OPHN1: variants seen among roughly 807,000 people sequenced by gnomAD.
OPHN1 encodes the protein oligophrenin 1.
In OPHN1, 11 loss-of-function variants were observed where a neutral mutation model predicts 60.7. The observed-to-expected ratio is 0.18, with a 90% confidence interval of 0.11 to 0.30. OPHN1 has a LOEUF of 0.30. OPHN1 is among the 10% of genes least tolerant of loss of function. The pLI, the probability that OPHN1 is intolerant of heterozygous loss-of-function variation, is 1.00. For synonymous variants in OPHN1, 226 were observed against 222.6 expected (o/e 1.02, Z -0.14); for missense variants, 449 against 611.0 (o/e 0.73, Z 2.80).
rs767352633 is a variant in OPHN1, at chrX:68,042,462, T to A, written c.*4710A>T. 6.3e-5 allele frequency: 7 copies of A among 111,730 alleles called. No individual in the cohort carries two copies. Among genetic ancestry groups the A allele is most frequent in the Non-Finnish European group, 1.1e-4 (6 of 53,153 alleles). 9.2% of individuals were successfully genotyped at this position (111,730 alleles called of 1,213,427 possible). A position where few individuals can be genotyped will look rare whatever the true frequency, so the allele number is the denominator to read the frequency against. ...CACACAGGCAATCTTTCTAGCCCTC[T>A]ACTAATGTCCTTGGCATCAAGTGCT... On this transcript the variant is annotated 3_prime_UTR_variant, in exon 25 of 25. Coordinates refer to ENST00000355520, the MANE Select transcript of OPHN1 (RefSeq NM_002547.3).
intron 21 of OPHN1, among the ~76,000 whole-genome samples, chrX:68,060,291 A>T (rs776849117): frequency 6.3e-5 from 7 of 111,507 alleles, no homozygotes; most frequent in Admixed American, 1.9e-4. Context: ...TGGTATAAAG[A>T]AAAAGAGTCC....
chrX:68,068,548 C>G (rs2076922069), intron 20 of OPHN1, among the ~76,000 whole-genome samples: 1 of 106,358 alleles, frequency 9.4e-6, no homozygotes. Context: ...TTAATATAGA[C>G]CGACCATATA....
At chrX:68,179,377 T>C (rs1367277703) in intron 15 of OPHN1, among the ~76,000 whole-genome samples, 1 of 112,239 alleles carries the variant, frequency 8.9e-6, no homozygotes, top group African/African-American at 3.2e-5. Context: ...CAATAATGTA[T>C]ATCTTTGTCC....
chrX:68,073,252 C>T lies in OPHN1; in HGVS notation c.1734G>A (p.Pro578=), dbSNP rs1426025169. The part of the protein sequence containing the change: ...PEESAAPPVP[P]PRVTARRHKP... ...TGTGCCTTCTTGCTGTCACCCGAGG[C>T]GGAGGCACTGGCGGTGCAGCGCTTT... Residue 578 remains proline (P), a synonymous_variant, in exon 20 of 25, where the codon CCG becomes CCA. Transcript: ENST00000355520. 28 of 1,209,721 alleles carry T rather than the reference C, an allele frequency of 2.3e-5. No individual in the cohort carries two copies. Among genetic ancestry groups the T allele is most frequent in the South Asian group, 3.5e-5 (2 of 56,772 alleles).
chrX:68,063,095 C>T (rs1488100103), intron 21 of OPHN1, among the ~76,000 whole-genome samples: 1 of 111,030 alleles, frequency 9.0e-6, no homozygotes, highest in Non-Finnish European at 1.9e-5. Context: ...GGCTTTGGTG[C>T]CTGTGAGACA....
At chrX:68,430,417 C>G (rs1036902623) in intron 2 of OPHN1, among the ~76,000 whole-genome samples, 1 of 112,016 alleles carries the variant, frequency 8.9e-6, no homozygotes, top group South Asian at 3.7e-4. Flanking sequence ...AAACAGAAAA[C>G]TACCACAAAT....
At chrX:68,126,244 C>G (rs762464698) in intron 15 of OPHN1, among the ~76,000 whole-genome samples, 2 of 109,884 alleles carry the variant, frequency 1.8e-5, no homozygotes, top group East Asian at 5.8e-4. Flanking sequence ...TGGCCCTGCC[C>G]AAGGCCTGTT....
rs149192912 is a variant in OPHN1 at position 68,189,105 on chromosome X, A to C, written c.1276+3814T>G. On this transcript the variant is annotated intron_variant, in intron 15 of 24. Transcript: ENST00000355520. The stretch of plus-strand genomic sequence containing the variant: ...TCTGGCATGGTAAGGGGATTGTGAG[A>C]ACAACACTTTCCTGTTTATGGCTGC... Among the ~76,000 whole-genome samples the C allele has an allele frequency of 5.1e-3, 576 of 111,860 alleles. 5 individuals carry two copies. Among genetic ancestry groups the C allele is most frequent in the African/African-American group, 0.018 (553 of 30,832 alleles).
Position 68,334,511 on chromosome X carries a change from G to A in OPHN1, c.155-35415C>T, listed in dbSNP as rs138385993. On this transcript the variant is annotated intron_variant, in intron 2 of 24. Coordinates refer to ENST00000355520, the MANE Select transcript of OPHN1 (RefSeq NM_002547.3). ...TGGATTTTGATGCAGTTTGATCTTT[G>A]TGTACTTACATTTTGATATCGATGA... Among the ~76,000 whole-genome samples the A allele has an allele frequency of 6.4e-3, 718 of 111,588 alleles. 8 individuals carry two copies. Among genetic ancestry groups the A allele is most frequent in the African/African-American group, 0.022 (669 of 30,747 alleles).
At chrX:68,289,709 C>G (rs775925790) in intron 3 of OPHN1, among the ~76,000 whole-genome samples, 2 of 112,005 alleles carry the variant, frequency 1.8e-5, no homozygotes, top group African/African-American at 3.2e-5. Flanking sequence ...AACAAACAAA[C>G]AAAAAGAACT....
At chrX:68,227,295 C>T (rs911848176) in intron 6 of OPHN1, among the ~76,000 whole-genome samples, 2 of 110,832 alleles carry the variant, frequency 1.8e-5, no homozygotes, top group Non-Finnish European at 3.8e-5. Flanking sequence ...TAGACTCCCA[C>T]AAAATAATAA....
chrX:68,074,888 T>C (rs892954195), intron 19 of OPHN1, among the ~76,000 whole-genome samples: 1 of 111,580 alleles, frequency 9.0e-6, no homozygotes, highest in Non-Finnish European at 1.9e-5. Context: ...GCAATTCTAA[T>C]GTAAAAGGCC....
At chrX:68,404,035 T>C (rs1488705529) in intron 2 of OPHN1, among the ~76,000 whole-genome samples, 1 of 110,610 alleles carries the variant, frequency 9.0e-6, no homozygotes, top group Non-Finnish European at 1.9e-5. Context: ...TTTGTATATA[T>C]GTAAGTCATT....
intron 18 of OPHN1, among the ~76,000 whole-genome samples, chrX:68,110,669 T>G (rs2077100338): frequency 1.8e-5 from 2 of 112,125 alleles, no homozygotes; most frequent in Non-Finnish European, 3.8e-5. Flanking sequence ...TTTTGTACAT[T>G]TACTGAGATG....
intron 19 of OPHN1, among the ~76,000 whole-genome samples, chrX:68,089,775 T>TATTC (rs1745816966): frequency 9.0e-6 from 1 of 111,607 alleles, no homozygotes; most frequent in African/African-American, 3.3e-5. Context: ...TGGACATGCT[T>TATTC]ATTCACCTCA....
intron 4 of OPHN1, 30 bp from the exon 5 acceptor site, chrX:68,274,839 A>G: frequency 9.4e-7 from 1 of 1,069,476 alleles, no homozygotes; most frequent in Non-Finnish European, 1.3e-6. Flanking sequence ...AAACAAAACA[A>G]TTTCTAGGTT....
chrX:68,350,466 T>TC (rs2078403012), intron 2 of OPHN1, among the ~76,000 whole-genome samples: 26 of 68,624 alleles, frequency 3.8e-4, no homozygotes, highest in African/African-American at 1.9e-3. Flanking sequence ...CTTCCTTCCT[T>TC]CCTTCCTCCC....
intron 15 of OPHN1, among the ~76,000 whole-genome samples, chrX:68,180,791 G>T (rs1256428018): frequency 8.9e-6 from 1 of 111,794 alleles, no homozygotes; most frequent in Non-Finnish European, 1.9e-5. Context: ...GTAAGAGGAA[G>T]TTGTGAATAG....
At chrX:68,376,658 C>T (rs2147736269) in intron 2 of OPHN1, among the ~76,000 whole-genome samples, 1 of 111,158 alleles carries the variant, frequency 9.0e-6, no homozygotes, top group East Asian at 2.9e-4. Flanking sequence ...ACAAAGAAAA[C>T]TCCCTGAAGG....
Sources: gnomAD v4.1 joint callset for allele counts (sites outside exome capture counted in the v4.1 genomes callset) on GRCh38, gnomAD v4.1.1 for gene constraint, MANE v1.5 for transcripts, NCBI Gene and HGNC (gene_info 2026-07-23, HGNC 2026-07-21) for gene names.